Variants in DGKH observed in about 807,000 individuals in gnomAD.
The protein encoded by DGKH is diacylglycerol kinase eta, also known as DAG kinase eta.
In DGKH, 90 loss-of-function variants were observed where a neutral mutation model predicts 159.3. That is an observed-to-expected ratio of 0.57 (90% CI 0.48 to 0.67). The LOEUF (loss-of-function observed/expected upper bound fraction) is 0.67, where lower values mean the gene tolerates loss of function less well. DGKH is among the 30% of genes least tolerant of loss of function. DGKH has a pLI of 0.00. For synonymous variants in DGKH, 536 were observed against 553.8 expected, an observed-to-expected ratio of 0.97 and a Z score of 0.45; for missense variants, 1,181 against 1,506.1, an observed-to-expected ratio of 0.78 and a Z score of 3.57.
chr13:42,204,125 G>T (rs552530044), intron 20 of DGKH, among the ~76,000 whole-genome samples: 29 of 152,188 alleles, frequency 1.9e-4, no homozygotes, highest in Admixed American at 3.9e-4. Context: ...TGCAAATAAA[G>T]TGCATCCATT....
chr13:42,060,322 C>G (rs1165248139), intron 1 of DGKH, among the ~76,000 whole-genome samples: 1 of 152,162 alleles, frequency 6.6e-6, no homozygotes, highest in African/African-American at 2.4e-5. Context: ...TTGCCCCTTC[C>G]TAAGTTAATG....
chr13:42,152,679 T>C (rs949689992), intron 3 of DGKH, among the ~76,000 whole-genome samples: 2 of 149,516 alleles, frequency 1.3e-5, no homozygotes, highest in African/African-American at 4.8e-5. Flanking sequence ...GGTTTCACTA[T>C]CACCTTCTAT....
upstream of DGKH, among the ~76,000 whole-genome samples, chr13:42,048,256 C>A (rs1026320109): frequency 1.3e-5 from 2 of 150,504 alleles, no homozygotes; most frequent in African/African-American, 4.9e-5. The surrounding 1 kb of genome is among the most constrained non-coding windows in gnomAD (Gnocchi z 6.7). Context: ...GGCGGGTGCA[C>A]CCAAGGGTGC....
chr13:42,073,945 C>T (rs921672744), intron 1 of DGKH, among the ~76,000 whole-genome samples: 3 of 152,148 alleles, frequency 2.0e-5, no homozygotes, highest in African/African-American at 7.2e-5. Flanking sequence ...GCATTTCCTC[C>T]TAGTACTCTG....
chr13:42,098,696 A>G (rs995197232), intron 1 of DGKH, among the ~76,000 whole-genome samples: 3 of 152,186 alleles, frequency 2.0e-5, no homozygotes, highest in African/African-American at 4.8e-5. Context: ...TTTCATAAAT[A>G]CAAATAATTT....
chr13:42,210,817 T>G, intron 24 of DGKH, 52 bp downstream of exon 24: 1 of 1,553,554 alleles, frequency 6.4e-7, no homozygotes. Flanking sequence ...TCTCAGCCAA[T>G]TTTTGTTTTT....
intron 1 of DGKH, chr13:42,066,647 C>T (rs1270850902): frequency 2.6e-5 from 4 of 152,112 alleles, no homozygotes; most frequent in South Asian, 2.1e-4. Context: ...TGTGCACATT[C>T]GCAGCTAAGG....
chr13:42,127,445 G>A lies in DGKH; in HGVS notation c.193-18G>A. 6.4e-7 allele frequency: 1 copy of A among 1,560,694 alleles called. No homozygotes were observed. The highest frequency in any genetic ancestry group is 8.8e-7 in the Non-Finnish European group (1 of 1,133,922). On this transcript the variant is annotated intron_variant, in intron 1 of 29. Transcript: ENST00000337343. ...AATTTCATTTTAATCGTGTCATTGT[G>A]CTTCTGCTTCTCTCTAGACCAGTAT...
At chr13:42,042,795 C>CT (rs1485639577) in intron 1 of DGKH, among the ~76,000 whole-genome samples, 1 of 152,144 alleles carries the variant, frequency 6.6e-6, no homozygotes, top group Non-Finnish European at 1.5e-5. Flanking sequence ...TAAAATAATA[C>CT]TTTTTACAAG....
chr13:42,048,333 G>GA (rs111426546), upstream of DGKH, among the ~76,000 whole-genome samples: 55,561 of 151,862 alleles, frequency 0.37, 11,124 homozygotes, highest in African/African-American at 0.54. This position sits in a 1 kb window ranked among gnomAD's most constrained non-coding sequence, Gnocchi z 6.7. Flanking sequence ...CCAGAAGTGA[G>GA]AGGGGGTGTG....
In DGKH at chr13:42,053,418, A is replaced by G. The variant is rs187747155; in HGVS notation, c.192+4453A>G. 1.3e-3 allele frequency among the ~76,000 whole-genome samples: 192 copies of G among 147,422 alleles called. 1 individual carries two copies. Among genetic ancestry groups the G allele is most frequent in the African/African-American group, 4.4e-3 (180 of 40,648 alleles). Reference sequence around the variant, plus strand: ...TGTAACTGTATATATATAACTATATATGTAACTCTATATGTAGCTATATAT... The same window carrying G: ...TGTAACTGTATATATATAACTATATGTGTAACTCTATATGTAGCTATATAT... On this transcript the variant is annotated intron_variant, in intron 1 of 29. Transcript: ENST00000337343.
intron 3 of DGKH, among the ~76,000 whole-genome samples, chr13:42,149,022 G>A (rs941778148): frequency 7.7e-6 from 1 of 130,590 alleles, no homozygotes; most frequent in African/African-American, 2.9e-5. Flanking sequence ...ATAGCTCACT[G>A]TAGCCTCAAT....
intron 20 of DGKH, among the ~76,000 whole-genome samples, chr13:42,204,451 C>T (rs1303125702): frequency 1.3e-5 from 2 of 152,322 alleles, no homozygotes; most frequent in East Asian, 1.9e-4. Context: ...GAAACATTCC[C>T]GTGAAGGTAA....
intron 1 of DGKH, among the ~76,000 whole-genome samples, chr13:42,053,714 G>C (rs1294566095): frequency 1.3e-5 from 2 of 151,672 alleles, no homozygotes; most frequent in Middle Eastern, 3.2e-3. Flanking sequence ...CGCCTCCTGG[G>C]TTCAAGCAAT....
At chr13:42,212,049 A>C (rs1050797877) in intron 24 of DGKH, among the ~76,000 whole-genome samples, 1 of 152,182 alleles carries the variant, frequency 6.6e-6, no homozygotes, top group Non-Finnish European at 1.5e-5. Context: ...TGCTCTGTGT[A>C]TAGTAACTTA....
At chr13:42,137,369 T>C (rs954929531) in intron 3 of DGKH, among the ~76,000 whole-genome samples, 4 of 152,244 alleles carry the variant, frequency 2.6e-5, no homozygotes, top group African/African-American at 4.8e-5. Context: ...GCTTTATGTC[T>C]GATAACTCAT....
At chr13:42,220,317 C>A (rs1306507092) in intron 28 of DGKH, among the ~76,000 whole-genome samples, 1 of 152,324 alleles carries the variant, frequency 6.6e-6, no homozygotes, top group Middle Eastern at 3.4e-3. Context: ...AACCCCTCGA[C>A]AATGACAATA....
At chr13:42,104,761 T>TGG (rs775993062) in intron 1 of DGKH, among the ~76,000 whole-genome samples, 1 of 152,240 alleles carries the variant, frequency 6.6e-6, no homozygotes, top group Non-Finnish European at 1.5e-5. Context: ...AGGATCTTTC[T>TGG]ATCTGGAGAC....
chr13:42,129,438 A>C, intron 2 of DGKH, 114 bp from the exon 3 acceptor site: 1 of 812,038 alleles, frequency 1.2e-6, no homozygotes, highest in Non-Finnish European at 1.9e-6. Flanking sequence ...AGTACCACCA[A>C]CTTAACTTTT....
Sources: allele counts gnomAD v4.1 joint callset (sites outside exome capture counted in the v4.1 genomes callset), GRCh38; gene constraint gnomAD v4.1.1; non-coding constraint Gnocchi (gnomAD v3.1); transcripts MANE v1.5; gene names NCBI Gene and HGNC (gene_info 2026-07-23, HGNC 2026-07-21).